MTUS2: variants seen among roughly 807,000 people sequenced by gnomAD.
The protein encoded by MTUS2 is microtubule-associated tumor suppressor candidate 2.
In MTUS2, 40 loss-of-function variants were observed where a neutral mutation model predicts 114.1. The observed-to-expected ratio is 0.35, with a 90% CI of 0.27 to 0.46. The LOEUF is 0.46. Among genes scored for constraint, MTUS2 ranks in the 20% least tolerant of loss-of-function variants. The pLI, the probability that MTUS2 is intolerant of heterozygous loss-of-function variation, is 1.00. For missense variants in MTUS2, 1,679 were observed against 1,705.4 expected (o/e 0.98, Z 0.27); for synonymous variants, 688 against 672.0 (o/e 1.02, Z -0.37).
chr13:29,372,755 A>G (rs1184294657), intron 8 of MTUS2, among the ~76,000 whole-genome samples: 2 of 152,138 alleles, frequency 1.3e-5, no homozygotes, highest in South Asian at 4.1e-4. Context: ...GTTATCATCA[A>G]TAGAAGCTCC....
At chr13:29,225,906 G>T (rs554228698) in intron 5 of MTUS2, among the ~76,000 whole-genome samples, 79 of 152,212 alleles carry the variant, frequency 5.2e-4, no homozygotes, top group African/African-American at 1.8e-3. Flanking sequence ...ATAAGAAATT[G>T]CGCCTTCTCT....
intron 4 of MTUS2, among the ~76,000 whole-genome samples, chr13:29,086,524 A>G (rs1462047100): frequency 6.6e-6 from 1 of 152,154 alleles, no homozygotes; most frequent in Non-Finnish European, 1.5e-5. Flanking sequence ...TGGTTACTAT[A>G]TTCTTGTAGT....
intron 2 of MTUS2, among the ~76,000 whole-genome samples, chr13:28,846,719 C>T (rs1362624767): frequency 6.6e-6 from 1 of 152,186 alleles, no homozygotes; most frequent in African/African-American, 2.4e-5. Flanking sequence ...CTTAAAGAAA[C>T]AATGAATCTT....
intron 2 of MTUS2, among the ~76,000 whole-genome samples, chr13:28,847,709 C>T (rs542469008): frequency 2.2e-4 from 33 of 152,258 alleles, no homozygotes; most frequent in African/African-American, 7.7e-4. Context: ...TTTTTCAGCA[C>T]CTCCCGGGCC....
chr13:29,057,308 G>A (rs1888181156), intron 4 of MTUS2, among the ~76,000 whole-genome samples: 1 of 152,038 alleles, frequency 6.6e-6, no homozygotes, highest in African/African-American at 2.4e-5. Context: ...TATATGTTAG[G>A]CCCATTCAGT....
Position 29,373,889 on chromosome 13 carries a change from A to G in MTUS2, c.3117+14416A>G, listed in dbSNP as rs9508424. ...TTATATGGGAAAAGCTAATCAACAA[A>G]CAGTAAAACCATGATGACACAGATG... On this transcript the variant is annotated intron_variant, in intron 8 of 15. Coordinates refer to ENST00000612955, the MANE Select transcript of MTUS2 (RefSeq NM_001033602.4). Among the ~76,000 whole-genome samples, 1,374 of 152,358 alleles carry G rather than the reference A, an allele frequency of 9.0e-3. 14 individuals carry two copies. Among genetic ancestry groups the G allele is most frequent in the Non-Finnish European group, 0.016 (1,068 of 68,038 alleles).
intron 4 of MTUS2, among the ~76,000 whole-genome samples, chr13:29,037,855 C>G (rs1354019870): frequency 1.3e-5 from 2 of 152,196 alleles, no homozygotes; most frequent in Non-Finnish European, 2.9e-5. Context: ...GTGTTTTCAG[C>G]TCCATCAGGT....
intron 5 of MTUS2, among the ~76,000 whole-genome samples, chr13:29,156,110 C>T (rs902021507): frequency 1.1e-4 from 16 of 152,082 alleles, no homozygotes; most frequent in Non-Finnish European, 1.9e-4. Context: ...AATCACCTAT[C>T]TCTTGCCCTA....
chr13:29,182,467 T>C (rs1894047412), intron 5 of MTUS2, among the ~76,000 whole-genome samples: 1 of 152,244 alleles, frequency 6.6e-6, no homozygotes, highest in Non-Finnish European at 1.5e-5. Flanking sequence ...CTCCAGACCA[T>C]CCCTGGCAGA....
intron 6 of MTUS2, among the ~76,000 whole-genome samples, chr13:29,312,508 G>A (rs1021426602): frequency 2.6e-5 from 4 of 152,108 alleles, no homozygotes; most frequent in Non-Finnish European, 5.9e-5. Flanking sequence ...AAATTTATAC[G>A]GGGAGAATGT....
At chr13:29,184,894 A>G (rs1894158429) in intron 5 of MTUS2, among the ~76,000 whole-genome samples, 1 of 152,284 alleles carries the variant, frequency 6.6e-6, no homozygotes, top group South Asian at 2.1e-4. Context: ...CAAAAAAATC[A>G]TGGTGGCAGT....
chr13:29,318,445 T>A (rs1363297287), intron 6 of MTUS2, among the ~76,000 whole-genome samples: 3 of 146,082 alleles, frequency 2.1e-5, no homozygotes, highest in Non-Finnish European at 4.5e-5. Flanking sequence ...TATTCTTGTT[T>A]ATGTTCAGGG....
Position 29,147,233 on chromosome 13 carries a change from C to T in MTUS2, c.2644+46263C>T, listed in dbSNP as rs75622836. ...TTCATTGTTGGAACCTCCCAACACC[C>T]ACACATCAACTCCTTTCCTTGGAAA... is the stretch of plus-strand genomic sequence containing the variant. On this transcript the variant is annotated intron_variant, in intron 5 of 15. Transcript: ENST00000612955. 1.3e-4 allele frequency among the ~76,000 whole-genome samples: 20 copies of T among 152,244 alleles called. No individual in the cohort carries two copies. In the East Asian group the frequency reaches 3.9e-3, roughly 29 times the overall value.
rs1882879731 is a variant in MTUS2 at position 29,501,201 on chromosome 13, G to A, written c.3896+7G>A. 4.3e-6 allele frequency: 7 copies of A among 1,610,506 alleles called. No individual in the cohort carries two copies. Among genetic ancestry groups the A allele is most frequent in the Non-Finnish European group, 5.9e-6 (7 of 1,177,098 alleles). On this transcript the variant is annotated splice_region_variant and intron_variant, in intron 15 of 15. Coordinates refer to ENST00000612955, the MANE Select transcript of MTUS2 (RefSeq NM_001033602.4). Reference sequence around the variant, plus strand: ...AAAACACAGTTGTCACCAGGTAGGTGGGCTGGGTGTCACCTACAAAGTGAC... The same window carrying A: ...AAAACACAGTTGTCACCAGGTAGGTAGGCTGGGTGTCACCTACAAAGTGAC...
intron 2 of MTUS2, among the ~76,000 whole-genome samples, chr13:28,988,172 T>C (rs1160037686): frequency 6.6e-6 from 1 of 152,258 alleles, no homozygotes; most frequent in Non-Finnish European, 1.5e-5. Flanking sequence ...AGGGAACTTC[T>C]GTTTCTGGGA....
intron 5 of MTUS2, among the ~76,000 whole-genome samples, chr13:29,251,310 A>AATT (rs1382670586): frequency 6.6e-6 from 1 of 151,006 alleles, no homozygotes; most frequent in Non-Finnish European, 1.5e-5. Context: ...TAATAATAAT[A>AATT]ATAATAATAA....
intron 2 of MTUS2, among the ~76,000 whole-genome samples, chr13:28,915,529 T>A (rs1169190603): frequency 6.6e-6 from 1 of 152,068 alleles, no homozygotes; most frequent in Non-Finnish European, 1.5e-5. Flanking sequence ...AATTTTGATT[T>A]GCATTTCTCT....
intron 2 of MTUS2, among the ~76,000 whole-genome samples, chr13:28,994,617 A>G (rs1885010727): frequency 6.6e-6 from 1 of 152,098 alleles, no homozygotes; most frequent in Non-Finnish European, 1.5e-5. Flanking sequence ...ACGGTATCTC[A>G]TTGTGGTTTT....
chr13:29,289,639 T>A (rs1023257311), intron 6 of MTUS2, among the ~76,000 whole-genome samples: 2 of 151,872 alleles, frequency 1.3e-5, no homozygotes, highest in East Asian at 1.9e-4. Flanking sequence ...ATTTTTTTTT[T>A]AATTTTTAGT....
Sources: gnomAD v4.1 joint callset for allele counts (sites outside exome capture counted in the v4.1 genomes callset) on GRCh38, gnomAD v4.1.1 for gene constraint, MANE v1.5 for transcripts, NCBI Gene and HGNC (gene_info 2026-07-23, HGNC 2026-07-21) for gene names.